Variants in DDX59 observed in about 807,000 individuals in gnomAD.
DDX59 encodes DEAD-box helicase 59, also known as probable ATP-dependent RNA helicase DDX59.
Under a neutral mutation model 51.9 loss-of-function variants are expected in DDX59, and 30 were observed. The ratio of observed to expected loss-of-function variants is 0.58; its 90% CI spans 0.43 to 0.78. The LOEUF (loss-of-function observed/expected upper bound fraction) is 0.78, where lower values mean the gene tolerates loss of function less well. Among genes scored for constraint, DDX59 ranks in the 30% least tolerant of loss-of-function variants. DDX59 has a pLI of 0.00. For missense variants in DDX59, 672 were observed against 730.8 expected (o/e 0.92, Z 0.93); for synonymous variants, 255 against 253.3 (o/e 1.01, Z -0.06).
At chr1:200,654,239 T>C (rs61825110) in intron 4 of DDX59, among the ~76,000 whole-genome samples, 68 of 151,912 alleles carry the variant, frequency 4.5e-4, no homozygotes, top group Non-Finnish European at 6.3e-4. Context: ...CGGTGAAATC[T>C]CATCTCTACT....
chr1:200,658,387 GA>G (rs369039483), intron 4 of DDX59, among the ~76,000 whole-genome samples: 63 of 145,770 alleles, frequency 4.3e-4, no homozygotes, highest in East Asian at 1.4e-3. Context: ...TGTCCACATA[GA>G]AAAAAAAAAA....
rs188843260 is a variant in DDX59, at chr1:200,653,940, C to T, written c.1063-3264G>A. Among the ~76,000 whole-genome samples, 307 of 152,318 alleles carry T rather than the reference C, an allele frequency of 2.0e-3. 1 individual carries two copies. Among genetic ancestry groups the T allele is most frequent in the Admixed American group, 3.5e-3 (54 of 15,296 alleles). ...CTTGTGTACATTTATCACAGCTACA[C>T]GAGACAGTTTGTGTGTCTCATCTTC... On this transcript the variant is annotated intron_variant, in intron 4 of 7. Transcript: ENST00000331314.
At chr1:200,653,388 C>A (rs1361988540) in intron 4 of DDX59, among the ~76,000 whole-genome samples, 1 of 152,178 alleles carries the variant, frequency 6.6e-6, no homozygotes, top group East Asian at 1.9e-4. Context: ...GTTCTCTTTA[C>A]CACTTGACAC....
In DDX59 at chr1:200,659,019, CTACT is replaced by C; in HGVS notation, c.1062+4_1062+7del. The stretch of plus-strand genomic sequence containing the variant: ...TCATGTAACTGTTTTTTAAATACCA[CTACT>C]TACTTCATCTACTACCACAATCTTT... On this transcript the variant is annotated splice_donor_5th_base_variant and intron_variant, in intron 4 of 7. Transcript: ENST00000331314. 6.3e-7 allele frequency: 1 copy of C among 1,599,970 alleles called. No individual in the cohort carries two copies. The highest frequency in any genetic ancestry group is 8.5e-7 in the Non-Finnish European group (1 of 1,170,758).
At chr1:200,653,593 TCA>T (rs961217293) in intron 4 of DDX59, among the ~76,000 whole-genome samples, 1 of 152,194 alleles carries the variant, frequency 6.6e-6, no homozygotes, top group Non-Finnish European at 1.5e-5. Context: ...TGGTTTCCCA[TCA>T]CACTTAGAAT....
rs1345853699 is a variant in DDX59, at chr1:200,663,970, T to C, written c.921A>G (p.Val307=). The C allele has an allele frequency of 1.2e-6, 2 of 1,614,094 alleles. No individual in the cohort carries two copies. The highest frequency in any genetic ancestry group is 1.3e-5 in the African/African-American group (1 of 74,946). ...GLPRMKTVLL[V]GGLPLPPQLY... is the part of the protein sequence containing the mutation. ...GCTGTGGGGGTAAGGGTAAGCCCCC[T>C]ACAAGAAGCACAGTTTTCATGCGTG... Residue 307 remains valine, a synonymous_variant, in exon 3 of 8, where the codon GTA becomes GTG. Transcript: ENST00000331314.
intron 4 of DDX59, among the ~76,000 whole-genome samples, chr1:200,657,576 C>T (rs1239436017): frequency 1.1e-4 from 17 of 151,994 alleles, no homozygotes; most frequent in Admixed American, 1.0e-3. Flanking sequence ...AGTGAAACCC[C>T]GTCTCTACTA....
intron 7 of DDX59, among the ~76,000 whole-genome samples, chr1:200,647,971 CAA>C (rs1425056666): frequency 3.5e-5 from 3 of 85,162 alleles, no homozygotes; most frequent in Non-Finnish European, 2.2e-5. Context: ...GAGACTGTCT[CAA>C]AAAAAAAAAA....
chr1:200,663,972 C>T lies in DDX59; in HGVS notation c.919G>A (p.Val307Ile), dbSNP rs558924701. The T allele has an allele frequency of 7.0e-4, 1,126 of 1,614,198 alleles. 27 individuals are homozygous for T. In the South Asian group the frequency reaches 0.012, roughly 17 times the overall value. Residue 307 changes from valine to isoleucine, a missense_variant, in exon 3 of 8, where the codon GTA becomes ATA. Val to Ile is a conservative substitution (Grantham distance 29). Coordinates refer to ENST00000331314, the MANE Select transcript of DDX59 (RefSeq NM_001031725.6). ...TGTGGGGGTAAGGGTAAGCCCCCTACAAGAAGCACAGTTTTCATGCGTGGC... is the reference window on the plus strand; with the variant it reads ...TGTGGGGGTAAGGGTAAGCCCCCTATAAGAAGCACAGTTTTCATGCGTGGC... Reference protein sequence around the residue: ...GLPRMKTVLLVGGLPLPPQLY... With the variant: ...GLPRMKTVLLIGGLPLPPQLY...
chr1:200,648,340 C>T, intron 7 of DDX59, 99 bp downstream of exon 7: 3 of 1,528,252 alleles, frequency 2.0e-6, no homozygotes, highest in Non-Finnish European at 2.7e-6. Flanking sequence ...AGCCACTGTC[C>T]TGGCCGATAC....
chr1:200,656,565 C>T (rs16847097), intron 4 of DDX59, among the ~76,000 whole-genome samples: 7,812 of 152,212 alleles, frequency 0.051, 275 homozygotes, highest in African/African-American at 0.095. Context: ...ATTATGTTTA[C>T]CAGCTCATTT....
At chr1:200,665,420 T>C (rs1266090094) in intron 2 of DDX59, among the ~76,000 whole-genome samples, 1 of 151,112 alleles carries the variant, frequency 6.6e-6, no homozygotes, top group Non-Finnish European at 1.5e-5. Flanking sequence ...GAGGCAGAGG[T>C]TGCAGTGAGC....
downstream of DDX59, chr1:200,641,395 A>G: frequency 5.7e-6 from 1 of 175,858 alleles, no homozygotes; most frequent in Non-Finnish European, 9.1e-6. Context: ...AACCAAAAAA[A>G]CTAAAAAAAA....
intron 7 of DDX59, 131 bp from the exon 8 acceptor site, chr1:200,644,648 C>A: frequency 1.8e-6 from 2 of 1,130,720 alleles, no homozygotes; most frequent in Non-Finnish European, 2.3e-6. Flanking sequence ...GTAACCCCAG[C>A]ACTTTGGGAG....
At chr1:200,655,591 G>A (rs1392038564) in intron 4 of DDX59, among the ~76,000 whole-genome samples, 4 of 152,076 alleles carry the variant, frequency 2.6e-5, no homozygotes, top group Admixed American at 6.6e-5. Context: ...TCTTCAAGCT[G>A]GTGGTCTCTT....
At position 200,666,244 on chromosome 1, in the gene DDX59, T is replaced by C. The variant is rs142796024; in HGVS notation, c.497A>G (p.Tyr166Cys). Residue 166 changes from tyrosine to cysteine, a missense_variant, in exon 2 of 8, where the codon TAT becomes TGT. Coordinates refer to ENST00000331314, the MANE Select transcript of DDX59 (RefSeq NM_001031725.6). The part of the protein sequence containing the change: ...SEPESPLNAS[Y>C]VYKEHPFILN... ...AATAAAGGGGTGCTCTTTGTAGACA[T>C]AGGAAGCATTCAGTGGAGACTCTGG... is the stretch of plus-strand genomic sequence containing the variant. The C allele has an allele frequency of 1.6e-4, 266 of 1,614,254 alleles. No individual in the cohort carries two copies. In the African/African-American group the frequency reaches 3.0e-3, roughly 18 times the overall value.
At chr1:200,643,084 C>G (rs1661095356), downstream of DDX59, among the ~76,000 whole-genome samples, 1 of 152,072 alleles carries the variant, frequency 6.6e-6, no homozygotes, top group South Asian at 2.1e-4. Context: ...CTTTCCAGAA[C>G]TTTGGCAGGC....
At chr1:200,666,827 A>G (rs191371589) in intron 1 of DDX59, 76 bp from the exon 2 acceptor site, 1 of 1,460,934 alleles carries the variant, frequency 6.8e-7, no homozygotes, top group East Asian at 2.3e-5. Flanking sequence ...ATGATTAAGG[A>G]CAAGGTGCGG....
chr1:200,666,404 G>C lies in DDX59; in HGVS notation c.337C>G (p.Arg113Gly). 5 of 1,613,990 alleles carry C rather than the reference G, an allele frequency of 3.1e-6. No homozygotes were observed. The highest frequency in any genetic ancestry group is 1.1e-5 in the South Asian group (1 of 91,050). Residue 113 changes from arginine to glycine, a missense_variant, in exon 2 of 8, where the codon CGT becomes GGT. By Grantham distance (125) the Arg-to-Gly change is moderately radical. Coordinates refer to ENST00000331314, the MANE Select transcript of DDX59 (RefSeq NM_001031725.6). The part of the protein sequence containing the change: ...PGEPICVVCG[R>G]YGEYICDKTD... ...TTATCACAGATATACTCTCCATAAC[G>C]ACCACAGACAACACAGATGGGTTCC...
Sources: gnomAD v4.1 joint callset for allele counts (sites outside exome capture counted in the v4.1 genomes callset) on GRCh38, gnomAD v4.1.1 for gene constraint, MANE v1.5 for transcripts, NCBI Gene and HGNC (gene_info 2026-07-23, HGNC 2026-07-21) for gene names.